The following DLC1 variants were observed in gnomAD, a reference collection of about 807,000 sequenced individuals.
DLC1 encodes DLC1 Rho GTPase activating protein.
Under a neutral mutation model 140.3 loss-of-function variants are expected in DLC1, and 54 were observed. The observed-to-expected ratio is 0.38, with a 90% CI of 0.31 to 0.48. The LOEUF (loss-of-function observed/expected upper bound fraction) is 0.48, where lower values mean the gene tolerates loss of function less well. DLC1 is among the 20% of genes least tolerant of loss of function. The pLI, the probability that DLC1 is intolerant of heterozygous loss-of-function variation, is 0.96. For synonymous variants in DLC1, 986 were observed against 728.1 expected (o/e 1.35, Z -5.70); for missense variants, 2,536 against 1,907.0 (o/e 1.33, Z -6.14).
Position 13,095,122 on chromosome 8 carries a change from C to T in DLC1, c.3291G>A (p.Gln1097=), listed in dbSNP as rs752094168. The T allele has an allele frequency of 2.5e-6, 4 of 1,614,164 alleles. No homozygotes were observed. The highest frequency in any genetic ancestry group is 1.7e-5 in the Admixed American group (1 of 60,014). ...AATGGTTCCGGAGGTATCGCATGGC[C>T]TGCTGGATGCTCTGAGGCAACGGTT... ...TGQPLPQSIQ[Q]AMRYLRNHCL... Residue 1097 remains glutamine, a synonymous_variant, in exon 11 of 18, where the codon CAG becomes CAA. Coordinates refer to ENST00000276297, the MANE Select transcript of DLC1 (RefSeq NM_182643.3).
intron 4 of DLC1, among the ~76,000 whole-genome samples, chr8:13,367,794 C>T (rs1204439169): frequency 2.0e-5 from 3 of 152,082 alleles, no homozygotes; most frequent in Non-Finnish European, 4.4e-5. Flanking sequence ...TCTGCCAGCA[C>T]CAGGGCAAGG....
intron 5 of DLC1, among the ~76,000 whole-genome samples, chr8:13,149,487 G>C (rs1255696624): frequency 1.3e-5 from 2 of 152,030 alleles, no homozygotes; most frequent in Non-Finnish European, 2.9e-5. Flanking sequence ...CCTGCTAATT[G>C]TCAGGTCATA....
At chr8:13,172,235 A>G (rs1393598825) in intron 5 of DLC1, among the ~76,000 whole-genome samples, 1 of 152,176 alleles carries the variant, frequency 6.6e-6, no homozygotes, top group African/African-American at 2.4e-5. Context: ...CAAATACTTC[A>G]GTACTATATT....
intron 5 of DLC1, among the ~76,000 whole-genome samples, chr8:13,220,338 C>A (rs965293163): frequency 6.6e-6 from 1 of 151,990 alleles, no homozygotes; most frequent in African/African-American, 2.4e-5. Context: ...GATAAAGGTG[C>A]CCCACGTAAA....
chr8:13,287,296 T>C (rs534079434), intron 5 of DLC1, among the ~76,000 whole-genome samples: 1 of 152,330 alleles, frequency 6.6e-6, no homozygotes, highest in East Asian at 1.9e-4. Flanking sequence ...AAATGGAAAG[T>C]AAGCAATCAG....
At chr8:13,591,339 G>T (rs1271095872) in intron 1 of DLC1, among the ~76,000 whole-genome samples, 1 of 151,960 alleles carries the variant, frequency 6.6e-6, no homozygotes, top group Non-Finnish European at 1.5e-5. Flanking sequence ...TTAAATCATG[G>T]GGGCAGTTGC....
At chr8:13,465,968 G>T (rs1799912842) in intron 2 of DLC1, among the ~76,000 whole-genome samples, 1 of 152,098 alleles carries the variant, frequency 6.6e-6, no homozygotes, top group Non-Finnish European at 1.5e-5. Context: ...CCAGATACCT[G>T]CCTTTATACA....
chr8:13,396,540 G>A lies in DLC1; in HGVS notation c.1174-2847C>T, dbSNP rs1046525116. On this transcript the variant is annotated intron_variant, in intron 3 of 17. Coordinates refer to ENST00000276297, the MANE Select transcript of DLC1 (RefSeq NM_182643.3). ...CTGCTTCAATGTTCATCACCTCTACGTGGAAGTTACCATCATCACACGAGA... is the reference window on the plus strand; with the variant it reads ...CTGCTTCAATGTTCATCACCTCTACATGGAAGTTACCATCATCACACGAGA... Among the ~76,000 whole-genome samples, 5 of 152,052 alleles carry A rather than the reference G, an allele frequency of 3.3e-5. No individual in the cohort carries two copies. The South Asian group carries it at 6.2e-4, about 19-fold the overall frequency.
intron 2 of DLC1, among the ~76,000 whole-genome samples, chr8:13,443,541 C>A (rs543505837): frequency 1.3e-5 from 2 of 151,344 alleles, no homozygotes; most frequent in Non-Finnish European, 2.9e-5. Context: ...TGCCTGTAGT[C>A]CCAGCTACTT....
In DLC1 at chr8:13,099,416, G is replaced by C. The variant is rs778468407; in HGVS notation, c.2921C>G (p.Pro974Arg). Residue 974 changes from proline to arginine, a missense_variant, in exon 9 of 18, where the codon CCG becomes CGG. By Grantham distance (103) the Pro-to-Arg change is moderately radical. Transcript: ENST00000276297. Reference protein sequence around the residue: ...LDSTGNSLNEPEEPSEIPERR... With the variant: ...LDSTGNSLNEREEPSEIPERR... ...TTCCGGGATCTCGGAGGGCTCTTCC[G>C]GTTCATTCAGGGAGTTGCCTGTGCT... 6.2e-7 allele frequency: 1 copy of C among 1,614,040 alleles called. No individual in the cohort carries two copies.
intron 5 of DLC1, among the ~76,000 whole-genome samples, chr8:13,236,778 C>T (rs1829300739): frequency 6.6e-6 from 1 of 151,942 alleles, no homozygotes; most frequent in Non-Finnish European, 1.5e-5. Context: ...AACTTGAGAT[C>T]AATATTCTGA....
chr8:13,172,600 A>G (rs960857581), intron 5 of DLC1, among the ~76,000 whole-genome samples: 7 of 152,374 alleles, frequency 4.6e-5, no homozygotes, highest in Non-Finnish European at 7.3e-5. Context: ...GACTTCGTCA[A>G]CTCACACAGT....
chr8:13,418,961 A>G (rs1397575547), intron 2 of DLC1, among the ~76,000 whole-genome samples: 3 of 151,448 alleles, frequency 2.0e-5, no homozygotes, highest in African/African-American at 4.8e-5. Context: ...TAAGTATTTT[A>G]TTCTCTTTGA....
In DLC1 at chr8:13,427,304, G is replaced by A. The variant is rs533968654; in HGVS notation, c.1024-25685C>T. 2.8e-3 allele frequency among the ~76,000 whole-genome samples: 421 copies of A among 152,130 alleles called. 1 individual carries two copies. Among genetic ancestry groups the A allele is most frequent in the Non-Finnish European group, 4.2e-3 (283 of 68,002 alleles). On this transcript the variant is annotated intron_variant, in intron 2 of 17. Transcript: ENST00000276297. ...AACTCGGCTCATGGGGCTCTGTCCC[G>A]ACACTGGCTCATTCTGTTCTGTCCT...
intron 5 of DLC1, among the ~76,000 whole-genome samples, chr8:13,168,281 C>G (rs1440870413): frequency 3.9e-5 from 6 of 152,188 alleles, no homozygotes; most frequent in Middle Eastern, 3.4e-3. Flanking sequence ...GCTGGATTCT[C>G]AAAATTTTAA....
intron 4 of DLC1, among the ~76,000 whole-genome samples, chr8:13,384,290 G>C (rs1836409862): frequency 6.6e-6 from 1 of 151,338 alleles, no homozygotes; most frequent in Non-Finnish European, 1.5e-5. Flanking sequence ...GAAAGGAAAA[G>C]GAAGCAGAAC....
intron 5 of DLC1, among the ~76,000 whole-genome samples, chr8:13,215,528 G>T (rs1182877674): frequency 6.6e-6 from 1 of 152,170 alleles, no homozygotes; most frequent in African/African-American, 2.4e-5. Context: ...AGAAGTTTCA[G>T]TTAGCCAAGA....
At chr8:13,413,108 A>T (rs1028445764) in intron 2 of DLC1, among the ~76,000 whole-genome samples, 1 of 152,018 alleles carries the variant, frequency 6.6e-6, no homozygotes, top group Admixed American at 6.6e-5. Flanking sequence ...ACTGATAAGG[A>T]AAGTGTTCTA....
chr8:13,566,795 G>A (rs1274082861), intron 1 of DLC1: 2 of 690,864 alleles, frequency 2.9e-6, no homozygotes, highest in East Asian at 3.0e-5. Context: ...GGAAAAGGCG[G>A]GACGCCGCAT....
Sources: allele counts gnomAD v4.1 joint callset (sites outside exome capture counted in the v4.1 genomes callset), GRCh38; gene constraint gnomAD v4.1.1; transcripts MANE v1.5; gene names NCBI Gene and HGNC (gene_info 2026-07-23, HGNC 2026-07-21).